Variants in ARHGAP44 observed in about 807,000 individuals in gnomAD.
ARHGAP44 encodes the protein rho GTPase-activating protein 44.
ARHGAP44 carries 43 observed loss-of-function variants against 106.8 expected under a neutral mutation model. The observed-to-expected ratio is 0.40, with a 90% CI of 0.32 to 0.52. The LOEUF is 0.52. Among genes scored for constraint, ARHGAP44 ranks in the 20% least tolerant of loss-of-function variants. The pLI is 0.48. For missense variants in ARHGAP44, 866 were observed against 1,050.5 expected (o/e 0.82, Z 2.43); for synonymous variants, 439 against 410.3 (o/e 1.07, Z -0.85).
chr17:12,814,240 T>G (rs1404175501), intron 1 of ARHGAP44, among the ~76,000 whole-genome samples: 1 of 143,548 alleles, frequency 7.0e-6, no homozygotes, highest in Non-Finnish European at 1.5e-5. Flanking sequence ...CTGGTGTTTT[T>G]TTTTTTTTTT....
chr17:12,964,990 G>T (rs1330152378), intron 16 of ARHGAP44, among the ~76,000 whole-genome samples: 1 of 151,970 alleles, frequency 6.6e-6, no homozygotes, highest in Non-Finnish European at 1.5e-5. Context: ...CCTCCCTACT[G>T]CCTCTTTTCT....
intron 7 of ARHGAP44, among the ~76,000 whole-genome samples, chr17:12,931,557 C>T (rs375787838): frequency 5.9e-5 from 9 of 151,832 alleles, no homozygotes; most frequent in South Asian, 2.1e-4. Flanking sequence ...AGTGCAGTGG[C>T]GGGATCTCCG....
chr17:12,848,979 T>C (rs28582807), intron 1 of ARHGAP44, among the ~76,000 whole-genome samples: 48,090 of 148,762 alleles, frequency 0.32, 9,607 homozygotes, highest in African/African-American at 0.57. Context: ...ACTTGGGAGG[T>C]GGAGGTTGCA....
At chr17:12,948,443 G>A (rs1392505810) in intron 10 of ARHGAP44, among the ~76,000 whole-genome samples, 3 of 152,166 alleles carry the variant, frequency 2.0e-5, no homozygotes, top group African/African-American at 7.2e-5. Flanking sequence ...GCTGAGGCAG[G>A]TGGATCACTT....
intron 4 of ARHGAP44, 22 bp from the exon 5 acceptor site, chr17:12,915,878 T>C: frequency 6.2e-7 from 1 of 1,605,280 alleles, no homozygotes; most frequent in Non-Finnish European, 8.5e-7. Context: ...TATTCACTAT[T>C]TCTTTCCCCC....
chr17:12,815,115 A>G (rs2034559172), intron 1 of ARHGAP44, among the ~76,000 whole-genome samples: 1 of 149,040 alleles, frequency 6.7e-6, no homozygotes, highest in South Asian at 2.1e-4. Flanking sequence ...ACTCTGCTGC[A>G]GGTTGTTCTT....
At chr17:12,931,829 C>A (rs561004488) in intron 7 of ARHGAP44, among the ~76,000 whole-genome samples, 1 of 135,256 alleles carries the variant, frequency 7.4e-6, no homozygotes, top group African/African-American at 2.9e-5. Flanking sequence ...GCATGATATT[C>A]CACAGTAGGG....
At chr17:12,940,161 A>C (rs750403608) in intron 7 of ARHGAP44, among the ~76,000 whole-genome samples, 1 of 152,080 alleles carries the variant, frequency 6.6e-6, no homozygotes, top group Non-Finnish European at 1.5e-5. Context: ...GTTTGCCCCA[A>C]CCTGAACACG....
chr17:12,989,519 T>A (rs915939254), intron 20 of ARHGAP44, among the ~76,000 whole-genome samples: 1 of 152,294 alleles, frequency 6.6e-6, no homozygotes, highest in Middle Eastern at 3.4e-3. Flanking sequence ...ACCAGGGTCC[T>A]GAGGGAGACC....
At chr17:12,980,804 G>A (rs1038493319) in intron 19 of ARHGAP44, 3 of 152,296 alleles carry the variant, frequency 2.0e-5, no homozygotes, top group African/African-American at 7.2e-5. Flanking sequence ...TGTACTGAGC[G>A]TACTTATCTG....
At chr17:12,988,918 A>G (rs2040024135) in intron 20 of ARHGAP44, 3 of 139,904 alleles carry the variant, frequency 2.1e-5, no homozygotes, top group African/African-American at 8.5e-5. Context: ...ATCTCTACTA[A>G]AAACACCAAA....
Position 12,807,851 on chromosome 17 carries a change from C to G in ARHGAP44, c.53+17960C>G, listed in dbSNP as rs144665527. 5.3e-5 allele frequency among the ~76,000 whole-genome samples: 8 copies of G among 152,224 alleles called. No individual in the cohort carries two copies. In the East Asian group the frequency reaches 1.6e-3, roughly 30 times the overall value. On this transcript the variant is annotated intron_variant, in intron 1 of 20. Transcript: ENST00000379672. Reference sequence around the variant, plus strand: ...CAGCATTAACTCAGAAGTCCACAGTCTAAAGTCTCATCTGAGACAAGGCAA... The same window carrying G: ...CAGCATTAACTCAGAAGTCCACAGTGTAAAGTCTCATCTGAGACAAGGCAA...
rs2143170330 is a variant in ARHGAP44 at position 12,958,292 on chromosome 17, CTT to C, written c.1343-424_1343-423del. On this transcript the variant is annotated intron_variant, in intron 15 of 20. Coordinates refer to ENST00000379672, the MANE Select transcript of ARHGAP44 (RefSeq NM_014859.6). This position sits in a 1 kb window ranked among gnomAD's most constrained non-coding sequence, Gnocchi z 4.1. ...TCATCTATAAATATTAATATTGCCT[CTT>C]ATTTTATTTTCTTGACTAATTCCAT... 6.6e-6 allele frequency among the ~76,000 whole-genome samples: 1 copy of C among 152,238 alleles called. No homozygotes were observed. Among genetic ancestry groups the C allele is most frequent in the South Asian group, 2.1e-4 (1 of 4,812 alleles).
intron 8 of ARHGAP44, 62 bp downstream of exon 8, chr17:12,941,186 TG>T: frequency 1.3e-6 from 2 of 1,486,256 alleles, no homozygotes; most frequent in South Asian, 2.3e-5. Context: ...AATGTGGGCA[TG>T]GAATTAAGAG....
At chr17:12,882,044 A>C (rs2036754372) in intron 1 of ARHGAP44, among the ~76,000 whole-genome samples, 1 of 152,050 alleles carries the variant, frequency 6.6e-6, no homozygotes, top group African/African-American at 2.4e-5. Flanking sequence ...TATTTTTTAA[A>C]ATTCTTATTG....
chr17:12,811,489 G>A (rs1308474699), intron 1 of ARHGAP44, among the ~76,000 whole-genome samples: 1 of 152,098 alleles, frequency 6.6e-6, no homozygotes, highest in Non-Finnish European at 1.5e-5. Context: ...GAGGTGTGGA[G>A]GTGGAAGAGG....
chr17:12,957,911 G>T (rs2039168480), intron 15 of ARHGAP44, among the ~76,000 whole-genome samples: 1 of 152,188 alleles, frequency 6.6e-6, no homozygotes. Flanking sequence ...AATTAATGCT[G>T]TTCTAACATT....
At chr17:12,889,166 T>G (rs1400983220) in intron 1 of ARHGAP44, among the ~76,000 whole-genome samples, 1 of 152,206 alleles carries the variant, frequency 6.6e-6, no homozygotes, top group East Asian at 1.9e-4. Flanking sequence ...CTTTCTTCTT[T>G]CTTGTATTCA....
At chr17:12,812,532 C>G (rs1211640938) in intron 1 of ARHGAP44, among the ~76,000 whole-genome samples, 1 of 152,082 alleles carries the variant, frequency 6.6e-6, no homozygotes, top group Non-Finnish European at 1.5e-5. Context: ...TGAATTTTAC[C>G]TGAATCAGAT....
Sources: allele counts gnomAD v4.1 joint callset (sites outside exome capture counted in the v4.1 genomes callset), GRCh38; gene constraint gnomAD v4.1.1; non-coding constraint Gnocchi (gnomAD v3.1); transcripts MANE v1.5; gene names NCBI Gene and HGNC (gene_info 2026-07-23, HGNC 2026-07-21).